The following ST18 variants were observed in gnomAD, a reference collection of about 807,000 sequenced individuals.
ST18 encodes the protein ST18 C2H2C-type zinc finger transcription factor, also known as suppression of tumorigenicity 18 protein.
Under a neutral mutation model 110.0 loss-of-function variants are expected in ST18, and 50 were observed. That is an observed-to-expected ratio of 0.45 (90% confidence interval 0.36 to 0.58). The LOEUF is 0.58. Among genes scored for constraint, ST18 ranks in the 20% least tolerant of loss-of-function variants. The pLI is 0.00. For synonymous variants in ST18, 461 were observed against 452.4 expected, an observed-to-expected ratio of 1.02 and a Z score of -0.24; for missense variants, 1,306 against 1,280.1, an observed-to-expected ratio of 1.02 and a Z score of -0.31.
chr8:52,278,521 T>C (rs1052984251), intron 2 of ST18, among the ~76,000 whole-genome samples: 3 of 152,254 alleles, frequency 2.0e-5, no homozygotes, highest in South Asian at 4.1e-4. Flanking sequence ...AGCTATTCAA[T>C]TTGGGAAGGA....
At chr8:52,267,194 A>C (rs574930728) in intron 2 of ST18, among the ~76,000 whole-genome samples, 2 of 152,146 alleles carry the variant, frequency 1.3e-5, no homozygotes, top group East Asian at 3.9e-4. Flanking sequence ...TTAGCAGGTA[A>C]GACCCTAGGA....
chr8:52,357,679 ATATAT>A (rs1823469472), intron 2 of ST18, among the ~76,000 whole-genome samples: 3 of 19,716 alleles, frequency 1.5e-4, no homozygotes, highest in African/African-American at 2.5e-4. Flanking sequence ...ATCTATAAAT[ATATAT>A]ATATATATAT....
At chr8:52,152,067 C>A (rs886175565) in intron 15 of ST18, among the ~76,000 whole-genome samples, 1 of 152,170 alleles carries the variant, frequency 6.6e-6, no homozygotes, top group African/African-American at 2.4e-5. Flanking sequence ...TCAATTACTC[C>A]TAATGTTTAA....
At chr8:52,282,526 G>A (rs916118167) in intron 2 of ST18, among the ~76,000 whole-genome samples, 2 of 152,180 alleles carry the variant, frequency 1.3e-5, no homozygotes, top group Non-Finnish European at 2.9e-5. Flanking sequence ...AGCCCCACCA[G>A]GGGTGAGGAA....
intron 2 of ST18, among the ~76,000 whole-genome samples, chr8:52,375,243 C>T (rs1053542797): frequency 2.6e-5 from 4 of 152,112 alleles, no homozygotes; most frequent in African/African-American, 7.2e-5. Context: ...ACAAAATCTT[C>T]ACTTGACTCC....
chr8:52,112,211 T>A lies in ST18; in HGVS notation c.*987A>T, dbSNP rs1332768009. 1 of 152,614 alleles carries A rather than the reference T, an allele frequency of 6.6e-6. No individual in the cohort carries two copies. Among genetic ancestry groups the A allele is most frequent in the Non-Finnish European group, 1.5e-5 (1 of 68,036 alleles). 9.5% of individuals were successfully genotyped at this position (152,614 alleles called of 1,614,324 possible). On this transcript the variant is annotated 3_prime_UTR_variant, in exon 26 of 26. Transcript: ENST00000689386. ...AAATGCTATTTCAGGGGATATGGTA[T>A]CTACAAAATTTTTCATTTGGATGTG...
intron 2 of ST18, among the ~76,000 whole-genome samples, chr8:52,374,711 GT>G (rs777328733): frequency 7.9e-5 from 12 of 151,966 alleles, no homozygotes; most frequent in South Asian, 2.1e-4. Context: ...AGGCTGCAGT[GT>G]GTGTTATTCC....
chr8:52,376,598 A>G (rs1184639608), intron 2 of ST18, among the ~76,000 whole-genome samples: 1 of 152,168 alleles, frequency 6.6e-6, no homozygotes, highest in African/African-American at 2.4e-5. Flanking sequence ...TCACTTATTT[A>G]TTACTGCTAT....
chr8:52,197,127 G>T (rs998011018), intron 8 of ST18, among the ~76,000 whole-genome samples: 1 of 152,106 alleles, frequency 6.6e-6, no homozygotes, highest in Non-Finnish European at 1.5e-5. Context: ...GTGTTGAATG[G>T]GGACATTGGA....
chr8:52,298,876 T>C (rs1233951353), intron 2 of ST18, among the ~76,000 whole-genome samples: 2 of 152,216 alleles, frequency 1.3e-5, no homozygotes, highest in African/African-American at 4.8e-5. Context: ...CTGGCATCCA[T>C]TGTTACTGCT....
intron 3 of ST18, among the ~76,000 whole-genome samples, chr8:52,224,597 A>C (rs912429541): frequency 6.6e-6 from 1 of 152,232 alleles, no homozygotes; most frequent in Non-Finnish European, 1.5e-5. Flanking sequence ...GAGCTTCAGC[A>C]AAACTGGAAC....
chr8:52,131,085 A>G (rs556262784), intron 22 of ST18, among the ~76,000 whole-genome samples: 1 of 152,366 alleles, frequency 6.6e-6, no homozygotes, highest in East Asian at 1.9e-4. Flanking sequence ...TCTTTAAACA[A>G]GCAATTCCTG....
intron 22 of ST18, among the ~76,000 whole-genome samples, chr8:52,130,387 CTT>C (rs2049090570): frequency 6.6e-6 from 1 of 152,142 alleles, no homozygotes; most frequent in Non-Finnish European, 1.5e-5. Context: ...AACTCCCAGG[CTT>C]AAGCAATCGT....
chr8:52,266,660 G>A (rs1417195100), intron 2 of ST18, among the ~76,000 whole-genome samples: 1 of 151,358 alleles, frequency 6.6e-6, no homozygotes, highest in Non-Finnish European at 1.5e-5. Flanking sequence ...TCCTGCCTCA[G>A]CCTCCAGAGT....
chr8:52,278,678 G>A lies in ST18; in HGVS notation c.-464-48601C>T, dbSNP rs1314881828. On this transcript the variant is annotated intron_variant, in intron 2 of 25. Coordinates refer to ENST00000689386, the MANE Select transcript of ST18 (RefSeq NM_001352837.2). ...CAAACAAACACACTTGCCCTACCAAGAGTAACTGAAAGAAAACTGTCATGC... is the reference window on the plus strand; with the variant it reads ...CAAACAAACACACTTGCCCTACCAAAAGTAACTGAAAGAAAACTGTCATGC... 5.9e-5 allele frequency among the ~76,000 whole-genome samples: 9 copies of A among 152,240 alleles called. No individual in the cohort carries two copies. In the East Asian group the frequency reaches 1.2e-3, roughly 20 times the overall value.
At chr8:52,210,041 T>C (rs1441320837) in intron 8 of ST18, 1 of 455,346 alleles carries the variant, frequency 2.2e-6, no homozygotes, top group Non-Finnish European at 4.4e-6. Context: ...TTTTTTTCTC[T>C]GAATGACTTG....
At chr8:52,135,475 G>A (rs921146035) in intron 19 of ST18, among the ~76,000 whole-genome samples, 8 of 149,028 alleles carry the variant, frequency 5.4e-5, no homozygotes, top group East Asian at 2.0e-4. Context: ...ACAGGCAATC[G>A]CTTGAACCTG....
intron 2 of ST18, among the ~76,000 whole-genome samples, chr8:52,316,275 G>A (rs16917661): frequency 0.016 from 2,471 of 152,202 alleles, 57 homozygotes; most frequent in African/African-American, 0.057. Flanking sequence ...CAAATATGAC[G>A]AAGTAGAATT....
At chr8:52,141,940 C>T (rs2055275990) in intron 17 of ST18, among the ~76,000 whole-genome samples, 1 of 152,096 alleles carries the variant, frequency 6.6e-6, no homozygotes, top group Admixed American at 6.5e-5. Context: ...AGGCACCGCG[C>T]TCTTTAGAAG....
Sources: allele counts gnomAD v4.1 joint callset (sites outside exome capture counted in the v4.1 genomes callset), GRCh38; gene constraint gnomAD v4.1.1; transcripts MANE v1.5; gene names NCBI Gene and HGNC (gene_info 2026-07-23, HGNC 2026-07-21).